SLC25A37: variants seen among roughly 807,000 people sequenced by gnomAD.
The protein encoded by SLC25A37 is mitoferrin-1.
In SLC25A37, 17 loss-of-function variants were observed where a neutral mutation model predicts 31.0. The ratio of observed to expected loss-of-function variants is 0.55; its 90% CI spans 0.38 to 0.82. The LOEUF (loss-of-function observed/expected upper bound fraction) is 0.82, where lower values mean the gene tolerates loss of function less well. SLC25A37 is among the 40% of genes least tolerant of loss of function. The pLI, the probability that SLC25A37 is intolerant of heterozygous loss-of-function variation, is 0.00. For missense variants in SLC25A37, 404 were observed against 465.8 expected (o/e 0.87, Z 1.22); for synonymous variants, 222 against 193.0 (o/e 1.15, Z -1.24).
Position 23,572,531 on chromosome 8 carries a change from A to G in SLC25A37, c.*676A>G, listed in dbSNP as rs1802891251. ...TGGAAGTTTCACTTGAATGTAAAAT[A>G]ATAAAGTTTATATTTTGAATTTCTC... is the stretch of plus-strand genomic sequence containing the variant. On this transcript the variant is annotated 3_prime_UTR_variant, in exon 4 of 4. Coordinates refer to ENST00000519973, the MANE Select transcript of SLC25A37 (RefSeq NM_016612.4). The G allele has an allele frequency of 6.6e-6, 1 of 152,638 alleles. No homozygotes were observed. The highest frequency in any genetic ancestry group is 6.5e-5 in the Admixed American group (1 of 15,286). 9.5% of individuals were successfully genotyped at this position (152,638 alleles called of 1,614,324 possible). A position where few individuals can be genotyped will look rare whatever the true frequency, so the allele number is the denominator to read the frequency against.
At chr8:23,547,223 A>C (rs1802092240) in intron 1 of SLC25A37, among the ~76,000 whole-genome samples, 1 of 152,212 alleles carries the variant, frequency 6.6e-6, no homozygotes, top group Non-Finnish European at 1.5e-5. Flanking sequence ...GCTCGAGTGT[A>C]AGGGAGGGAC....
At chr8:23,534,068 A>T (rs1801715557) in intron 1 of SLC25A37, among the ~76,000 whole-genome samples, 1 of 151,352 alleles carries the variant, frequency 6.6e-6, no homozygotes, top group Admixed American at 6.6e-5. Context: ...CCCAGCTCAG[A>T]CTCCTGAGTA....
intron 3 of SLC25A37, among the ~76,000 whole-genome samples, chr8:23,570,510 G>T (rs1802795639): frequency 6.6e-6 from 1 of 152,084 alleles, no homozygotes; most frequent in Admixed American, 6.6e-5. Context: ...TATATATCTT[G>T]GGCTTCTTTT....
At chr8:23,532,717 C>G (rs762384181) in intron 1 of SLC25A37, among the ~76,000 whole-genome samples, 1 of 152,300 alleles carries the variant, frequency 6.6e-6, no homozygotes, top group Non-Finnish European at 1.5e-5. Context: ...CACCACGGAG[C>G]GTTCCCTCTA....
intron 1 of SLC25A37, 148 bp from the exon 2 acceptor site, chr8:23,565,960 T>C (rs993966111): frequency 1.2e-5 from 14 of 1,191,162 alleles, no homozygotes; most frequent in Admixed American, 3.6e-5. Flanking sequence ...TAGAATTCAT[T>C]TTGATTTCAA....
chr8:23,555,261 C>T (rs1341597537), intron 1 of SLC25A37, among the ~76,000 whole-genome samples: 1 of 152,168 alleles, frequency 6.6e-6, no homozygotes, highest in Non-Finnish European at 1.5e-5. Context: ...AACATATGTA[C>T]ATAGTCACAA....
chr8:23,548,179 T>C (rs772756316), intron 1 of SLC25A37, among the ~76,000 whole-genome samples: 1 of 152,082 alleles, frequency 6.6e-6, no homozygotes, highest in African/African-American at 2.4e-5. Context: ...TCTTCTCTCT[T>C]TCTTTCTTTC....
rs1585204623 is a variant in SLC25A37 at position 23,568,417 on chromosome 8, G to A, written c.496+39G>A. 9 of 1,612,148 alleles carry A rather than the reference G, an allele frequency of 5.6e-6. No individual in the cohort carries two copies. In the African/African-American group the frequency reaches 6.7e-5, roughly 12 times the overall value. ...GTCCCAGGGAGGGGCAGTAGGGGAT[G>A]TGCAAAGGGGCACAAAAAATGGTTG... On this transcript the variant is annotated intron_variant, in intron 3 of 3. Coordinates refer to ENST00000519973, the MANE Select transcript of SLC25A37 (RefSeq NM_016612.4).
rs202088305 is a variant in SLC25A37 at position 23,533,925 on chromosome 8, C to CT, written c.210+4721dup. 4.3e-3 allele frequency among the ~76,000 whole-genome samples: 605 copies of CT among 141,192 alleles called. 3 individuals are homozygous for CT. Among genetic ancestry groups the CT allele is most frequent in the African/African-American group, 0.015 (559 of 37,736 alleles). The allele number at this position is 141,192 out of a possible 152,430, so 92.6% of individuals were successfully genotyped here. ...GGAGGGGTATATCCAATCTCTTTCT[C>CT]TTTTTTTTCTCCCTCTCTCTCTCTT... is the stretch of plus-strand genomic sequence containing the variant. On this transcript the variant is annotated intron_variant, in intron 1 of 3. Transcript: ENST00000519973.
intron 1 of SLC25A37, among the ~76,000 whole-genome samples, chr8:23,548,189 C>CT (rs1320171819): frequency 3.9e-5 from 6 of 151,900 alleles, no homozygotes; most frequent in Non-Finnish European, 7.4e-5. Flanking sequence ...TTCTTTCTTT[C>CT]TTTTTTTTGA....
At chr8:23,546,614 G>C (rs1372053992) in intron 1 of SLC25A37, among the ~76,000 whole-genome samples, 5 of 134,096 alleles carry the variant, frequency 3.7e-5, no homozygotes, top group Admixed American at 3.2e-4. Context: ...GTGTGTGTGT[G>C]TGTGTGTATA....
intron 1 of SLC25A37, among the ~76,000 whole-genome samples, chr8:23,558,984 C>G (rs1292330339): frequency 1.3e-5 from 2 of 152,180 alleles, no homozygotes; most frequent in African/African-American, 4.8e-5. Context: ...TCTCTGACAC[C>G]TGGATGTTCT....
intron 1 of SLC25A37, among the ~76,000 whole-genome samples, chr8:23,564,060 T>A (rs1465569381): frequency 6.6e-6 from 1 of 152,144 alleles, no homozygotes; most frequent in Non-Finnish European, 1.5e-5. Flanking sequence ...TACTTTTTTT[T>A]AAGCATTAAA....
At chr8:23,566,601 T>C in intron 2 of SLC25A37, 1 of 1,190,562 alleles carries the variant, frequency 8.4e-7, no homozygotes, top group Non-Finnish European at 1.0e-6. Context: ...TATTGTTATG[T>C]GGGTTTTCTT....
At chr8:23,532,337 A>G (rs1451004343) in intron 1 of SLC25A37, among the ~76,000 whole-genome samples, 1 of 152,150 alleles carries the variant, frequency 6.6e-6, no homozygotes, top group African/African-American at 2.4e-5. Flanking sequence ...CAGGGCTCTC[A>G]CCAAATGGTG....
chr8:23,558,151 A>G (rs1008580036), intron 1 of SLC25A37, among the ~76,000 whole-genome samples: 2 of 152,320 alleles, frequency 1.3e-5, no homozygotes, highest in Admixed American at 1.3e-4. Flanking sequence ...TCGAACATGG[A>G]AAGTTTTTTA....
At chr8:23,542,399 A>G (rs973723394) in intron 1 of SLC25A37, among the ~76,000 whole-genome samples, 3 of 58,054 alleles carry the variant, frequency 5.2e-5, no homozygotes, top group African/African-American at 2.9e-4. Flanking sequence ...TTTTTTTGAG[A>G]TGGAGTTTCA....
intron 3 of SLC25A37, among the ~76,000 whole-genome samples, chr8:23,570,181 T>C (rs1802783439): frequency 6.6e-6 from 1 of 152,194 alleles, no homozygotes; most frequent in Non-Finnish European, 1.5e-5. Flanking sequence ...CTTTATCGTG[T>C]GCCGCACGAG....
chr8:23,542,668 C>T (rs932511544), intron 1 of SLC25A37, among the ~76,000 whole-genome samples: 3 of 143,088 alleles, frequency 2.1e-5, no homozygotes, highest in East Asian at 2.1e-4. Flanking sequence ...TGTGAGCCAC[C>T]GCCCCTGGCC....
Sources: gnomAD v4.1 joint callset for allele counts (sites outside exome capture counted in the v4.1 genomes callset) on GRCh38, gnomAD v4.1.1 for gene constraint, MANE v1.5 for transcripts, NCBI Gene and HGNC (gene_info 2026-07-23, HGNC 2026-07-21) for gene names.